The following UBE4B variants were observed in gnomAD, a reference collection of about 807,000 sequenced individuals.
UBE4B encodes ubiquitination factor E4B, also known as ubiquitin conjugation factor E4 B.
In UBE4B, 27 loss-of-function variants were observed where a neutral mutation model predicts 148.1. The ratio of observed to expected loss-of-function variants is 0.18; its 90% CI spans 0.13 to 0.25. The LOEUF is 0.25. Among genes scored for constraint, UBE4B ranks in the 10% least tolerant of loss-of-function variants. UBE4B has a pLI of 1.00. For missense variants in UBE4B, 1,170 were observed against 1,662.4 expected (o/e 0.70, Z 5.15); for synonymous variants, 596 against 619.3 (o/e 0.96, Z 0.56).
chr1:10,063,223 G>A lies in UBE4B; in HGVS notation c.25-8805G>A, dbSNP rs113544180. 8.4e-3 allele frequency among the ~76,000 whole-genome samples: 1,279 copies of A among 152,142 alleles called. 26 individuals are homozygous for A. The highest frequency in any genetic ancestry group is 0.03 in the African/African-American group (1,233 of 41,500). ...GCAGAGGTTGCAGTGAGCTGAAACC[G>A]TGCCTCTGCACTCCCGCCTGGGTGA... On this transcript the variant is annotated intron_variant, in intron 1 of 27. Transcript: ENST00000343090.
At chr1:10,171,539 CT>C (rs1275647466) in intron 25 of UBE4B, among the ~76,000 whole-genome samples, 2 of 152,204 alleles carry the variant, frequency 1.3e-5, no homozygotes, top group African/African-American at 4.8e-5. Context: ...TGAGGCCAGA[CT>C]GCAGTGAGCC....
In UBE4B at chr1:10,180,737, A is replaced by T. The variant is rs1489540571; in HGVS notation, c.*781A>T. The T allele has an allele frequency of 6.6e-6, 1 of 152,376 alleles. No homozygotes were observed. The highest frequency in any genetic ancestry group is 1.9e-4 in the East Asian group (1 of 5,200). 9.4% of individuals were successfully genotyped at this position (152,376 alleles called of 1,614,324 possible). A position where few individuals can be genotyped will look rare whatever the true frequency, so the allele number is the denominator to read the frequency against. ...TCGGCATCTGAGGAGCAGCTGCAGC[A>T]AAATCTAGGGGTGTAAGTGTATCAG... On this transcript the variant is annotated 3_prime_UTR_variant, in exon 28 of 28. Coordinates refer to ENST00000343090, the MANE Select transcript of UBE4B (RefSeq NM_001105562.3).
chr1:10,128,608 C>T (rs1645541067), intron 11 of UBE4B: 1 of 152,198 alleles, frequency 6.6e-6, no homozygotes, highest in Non-Finnish European at 1.5e-5. Context: ...TATGCAGCCA[C>T]GTTTGTGAAC....
intron 25 of UBE4B, among the ~76,000 whole-genome samples, chr1:10,176,438 C>T (rs1646430085): frequency 6.6e-6 from 1 of 152,178 alleles, no homozygotes; most frequent in Admixed American, 6.5e-5. Context: ...ACAGCTGCCG[C>T]CCATTTGACA....
In UBE4B at chr1:10,180,932, G is replaced by A. The variant is rs916026824; in HGVS notation, c.*976G>A. On this transcript the variant is annotated 3_prime_UTR_variant, in exon 28 of 28. Coordinates refer to ENST00000343090, the MANE Select transcript of UBE4B (RefSeq NM_001105562.3). ...GTGTGATGTGTTTGGCCTTACCAAA[G>A]CAAAAGAGGGTGCAAGAATGTGGGA... The A allele has an allele frequency of 6.6e-6, 1 of 152,424 alleles. No homozygotes were observed. Among genetic ancestry groups the A allele is most frequent in the Non-Finnish European group, 1.5e-5 (1 of 68,006 alleles). The allele number at this position is 152,424 out of a possible 1,614,324, so 9.4% of individuals were successfully genotyped here.
intron 2 of UBE4B, among the ~76,000 whole-genome samples, chr1:10,078,101 C>G (rs970157718): frequency 6.6e-6 from 1 of 152,092 alleles, no homozygotes; most frequent in Admixed American, 6.5e-5. Flanking sequence ...CCTCCGTCAC[C>G]CGGGTTCAAG....
In UBE4B at chr1:10,033,599, T is replaced by G; in HGVS notation, c.-72T>G. On this transcript the variant is annotated 5_prime_UTR_variant, in exon 1 of 28. Coordinates refer to ENST00000343090, the MANE Select transcript of UBE4B (RefSeq NM_001105562.3). Reference sequence around the variant, plus strand: ...ACAGCCTGATAGACACCTTCCACTCTCCTTCCTCCCGCCGTGGTCTCGAGA... The same window carrying G: ...ACAGCCTGATAGACACCTTCCACTCGCCTTCCTCCCGCCGTGGTCTCGAGA... 2 of 1,444,330 alleles carry G rather than the reference T, an allele frequency of 1.4e-6. No individual in the cohort carries two copies. The highest frequency in any genetic ancestry group is 1.8e-6 in the Non-Finnish European group (2 of 1,090,482). 89.5% of individuals were successfully genotyped at this position (1,444,330 alleles called of 1,614,324 possible). A position where few individuals can be genotyped will look rare whatever the true frequency, so the allele number is the denominator to read the frequency against.
At chr1:10,134,481 T>C (rs940595037) in intron 15 of UBE4B, among the ~76,000 whole-genome samples, 9 of 151,588 alleles carry the variant, frequency 5.9e-5, no homozygotes, top group Non-Finnish European at 1.2e-4. Context: ...CACTGCATTC[T>C]AGCCTGGGCA....
chr1:10,120,640 C>T (rs1645394897), intron 9 of UBE4B, among the ~76,000 whole-genome samples: 1 of 151,970 alleles, frequency 6.6e-6, no homozygotes, highest in Non-Finnish European at 1.5e-5. Context: ...ACTTCATGAC[C>T]AGCCTGGGCA....
chr1:10,134,983 C>T lies in UBE4B; in HGVS notation c.2026-5C>T. 6.2e-7 allele frequency: 1 copy of T among 1,613,090 alleles called. No individual in the cohort carries two copies. The highest frequency in any genetic ancestry group is 1.3e-5 in the African/African-American group (1 of 74,972). ...AAAAATACTTTTTCTTTTCAACTTTCACAGACAGATGATAGATTGGTGTCT... is the reference window on the plus strand; with the variant it reads ...AAAAATACTTTTTCTTTTCAACTTTTACAGACAGATGATAGATTGGTGTCT... On this transcript the variant is annotated splice_polypyrimidine_tract_variant and splice_region_variant and intron_variant, in intron 15 of 27. Coordinates refer to ENST00000343090, the MANE Select transcript of UBE4B (RefSeq NM_001105562.3).
At chr1:10,088,604 C>T (rs1464590884) in intron 2 of UBE4B, among the ~76,000 whole-genome samples, 1 of 151,624 alleles carries the variant, frequency 6.6e-6, no homozygotes, top group Non-Finnish European at 1.5e-5. Context: ...TTGAACTCCT[C>T]AGCTGATCCA....
intron 1 of UBE4B, among the ~76,000 whole-genome samples, chr1:10,049,045 A>G (rs1316052414): frequency 6.6e-6 from 1 of 152,220 alleles, no homozygotes; most frequent in African/African-American, 2.4e-5. Flanking sequence ...GGGCCTGAAG[A>G]GTTCCAAATA....
rs1438410602 is a variant in UBE4B, at chr1:10,168,399, G to A, written c.3333+129G>A. 1.7e-5 allele frequency: 24 copies of A among 1,395,158 alleles called. No individual in the cohort carries two copies. The highest frequency in any genetic ancestry group is 5.8e-6 in the Non-Finnish European group (6 of 1,041,496). 86.4% of individuals were successfully genotyped at this position (1,395,158 alleles called of 1,614,324 possible). On this transcript the variant is annotated intron_variant, in intron 24 of 27. Transcript: ENST00000343090. This position sits in a 1 kb window ranked among gnomAD's most constrained non-coding sequence, Gnocchi z 4.9. ...CAGTCATCAATAAGTGAAATTCTGT[G>A]ACTGATTTTGTTCCCAGTTATGCTA...
chr1:10,084,372 C>T (rs1017686317), intron 2 of UBE4B, among the ~76,000 whole-genome samples: 13 of 152,160 alleles, frequency 8.5e-5, no homozygotes, highest in Non-Finnish European at 7.3e-5. Context: ...GCTGTATCAT[C>T]ATGTTCCACC....
chr1:10,164,859 G>C (rs1646223005), intron 23 of UBE4B, among the ~76,000 whole-genome samples: 1 of 152,140 alleles, frequency 6.6e-6, no homozygotes, highest in Non-Finnish European at 1.5e-5. Context: ...GGAATTTTGA[G>C]CCTAGTGGAA....
At chr1:10,039,490 C>T (rs1345062435) in intron 1 of UBE4B, among the ~76,000 whole-genome samples, 1 of 152,012 alleles carries the variant, frequency 6.6e-6, no homozygotes, top group Non-Finnish European at 1.5e-5. Context: ...AGTGAAGTGG[C>T]ATGATCTCGG....
At chr1:10,101,930 A>G (rs1169000325) in intron 4 of UBE4B, among the ~76,000 whole-genome samples, 1 of 151,948 alleles carries the variant, frequency 6.6e-6, no homozygotes, top group East Asian at 1.9e-4. Flanking sequence ...GAAAACATGA[A>G]GCCTTTATAT....
At chr1:10,147,775 A>C (rs747734048) in intron 19 of UBE4B, among the ~76,000 whole-genome samples, 2 of 152,176 alleles carry the variant, frequency 1.3e-5, no homozygotes, top group Non-Finnish European at 2.9e-5. Context: ...TGAGCTAAGA[A>C]CATTGTTGAT....
chr1:10,060,835 C>T (rs1398236847), intron 1 of UBE4B, among the ~76,000 whole-genome samples: 2 of 152,000 alleles, frequency 1.3e-5, no homozygotes, highest in East Asian at 1.9e-4. Flanking sequence ...TTGTAGCTCA[C>T]TAGGCTCAAG....
Sources: gnomAD v4.1 joint callset for allele counts (sites outside exome capture counted in the v4.1 genomes callset) on GRCh38, gnomAD v4.1.1 for gene constraint, Gnocchi (gnomAD v3.1) non-coding constraint, MANE v1.5 for transcripts, NCBI Gene and HGNC (gene_info 2026-07-23, HGNC 2026-07-21) for gene names.